The following CACNA2D1 variants were observed in gnomAD, a reference collection of about 807,000 sequenced individuals.
CACNA2D1 encodes calcium voltage-gated channel auxiliary subunit alpha2delta 1.
In CACNA2D1, 53 loss-of-function variants were observed where a neutral mutation model predicts 171.5. The ratio of observed to expected loss-of-function variants is 0.31; its 90% CI spans 0.25 to 0.39. The LOEUF (loss-of-function observed/expected upper bound fraction) is 0.39, where lower values mean the gene tolerates loss of function less well. Ranked by LOEUF, CACNA2D1 falls within the 10% of genes least tolerant of loss-of-function variation. The pLI is 1.00. For missense variants in CACNA2D1, 903 were observed against 1,299.8 expected, an observed-to-expected ratio of 0.69 and a Z score of 4.69; for synonymous variants, 442 against 443.1, an observed-to-expected ratio of 1.00 and a Z score of 0.03.
At chr7:82,093,496 C>T (rs557922600) in intron 6 of CACNA2D1, among the ~76,000 whole-genome samples, 13 of 152,210 alleles carry the variant, frequency 8.5e-5, no homozygotes, top group African/African-American at 3.1e-4. Context: ...CTTACCCCAA[C>T]CCCAGTAATG....
intron 10 of CACNA2D1, among the ~76,000 whole-genome samples, chr7:82,041,053 G>A (rs943982794): frequency 1.7e-4 from 1 of 5,968 alleles, no homozygotes; most frequent in African/African-American, 8.2e-4. Context: ...CCTTGGGTTG[G>A]GGGGGTGGGG....
At chr7:82,232,427 T>C (rs1229999706) in intron 3 of CACNA2D1, among the ~76,000 whole-genome samples, 1 of 152,126 alleles carries the variant, frequency 6.6e-6, no homozygotes, top group African/African-American at 2.4e-5. Context: ...AAGATTTCCA[T>C]AGAGAAAAAG....
At chr7:82,079,407 C>T (rs1332232642) in intron 7 of CACNA2D1, among the ~76,000 whole-genome samples, 3 of 151,984 alleles carry the variant, frequency 2.0e-5, no homozygotes, top group Non-Finnish European at 4.4e-5. Flanking sequence ...AAAAGTCTAT[C>T]TTAGCTGGGT....
intron 3 of CACNA2D1, among the ~76,000 whole-genome samples, chr7:82,281,379 T>C (rs1810079094): frequency 6.6e-6 from 1 of 152,210 alleles, no homozygotes; most frequent in Non-Finnish European, 1.5e-5. Flanking sequence ...ACCAGATGGA[T>C]GCTACACAAA....
intron 5 of CACNA2D1, among the ~76,000 whole-genome samples, chr7:82,133,565 G>A (rs1563095929): frequency 6.6e-6 from 1 of 151,998 alleles, no homozygotes; most frequent in Non-Finnish European, 1.5e-5. Flanking sequence ...TACCACTTTT[G>A]GGAATCTATC....
At position 82,263,102 on chromosome 7, in the gene CACNA2D1, C is replaced by CCTTT. The variant is rs1554487349; in HGVS notation, c.294+72032_294+72033insAAAG. On this transcript the variant is annotated intron_variant, in intron 3 of 38. Transcript: ENST00000356860. ...AAGGCTCCTATGTCACATAACACCA[C>CCTTT]TTTTTTTTTTTTTTTTTTTTGAGAC... is the stretch of plus-strand genomic sequence containing the variant. Among the ~76,000 whole-genome samples the CCTTT allele has an allele frequency of 1.2e-4, 13 of 107,994 alleles. No homozygotes were observed. The South Asian group carries it at 3.8e-3, about 32-fold the overall frequency. 70.8% of individuals were successfully genotyped at this position (107,994 alleles called of 152,430 possible). A position where few individuals can be genotyped will look rare whatever the true frequency, so the allele number is the denominator to read the frequency against.
chr7:81,981,473 C>T (rs1040376916), intron 24 of CACNA2D1, among the ~76,000 whole-genome samples: 19 of 152,148 alleles, frequency 1.2e-4, no homozygotes, highest in South Asian at 1.2e-3. Flanking sequence ...ATATTCCCTA[C>T]GTTAAAGTAG....
chr7:82,101,700 T>C (rs1344493022), intron 6 of CACNA2D1, among the ~76,000 whole-genome samples: 1 of 152,150 alleles, frequency 6.6e-6, no homozygotes, highest in African/African-American at 2.4e-5. Flanking sequence ...ATACATAGTT[T>C]CCCATAATGC....
intron 6 of CACNA2D1, among the ~76,000 whole-genome samples, chr7:82,099,948 G>A (rs1460568790): frequency 6.6e-6 from 1 of 152,126 alleles, no homozygotes; most frequent in African/African-American, 2.4e-5. Flanking sequence ...GGTAGGAGAA[G>A]GGAGAGCATT....
intron 3 of CACNA2D1, among the ~76,000 whole-genome samples, chr7:82,293,556 C>T (rs1390546952): frequency 2.0e-5 from 3 of 152,162 alleles, no homozygotes; most frequent in Admixed American, 2.0e-4. Context: ...CGTTTACAAA[C>T]TCCTTTCTAA....
chr7:82,185,973 A>C (rs1216022918), intron 3 of CACNA2D1, among the ~76,000 whole-genome samples: 2 of 151,898 alleles, frequency 1.3e-5, no homozygotes, highest in Non-Finnish European at 2.9e-5. Flanking sequence ...CCTGACCAAC[A>C]TGGTAAAACC....
At chr7:82,244,344 T>C (rs1206816541) in intron 3 of CACNA2D1, among the ~76,000 whole-genome samples, 1 of 152,120 alleles carries the variant, frequency 6.6e-6, no homozygotes, top group Non-Finnish European at 1.5e-5. Context: ...GTTTCTATAA[T>C]CCCATAAGAC....
intron 1 of CACNA2D1, among the ~76,000 whole-genome samples, chr7:82,389,026 G>C (rs935735933): frequency 6.6e-6 from 1 of 151,720 alleles, no homozygotes; most frequent in African/African-American, 2.4e-5. Flanking sequence ...TGAGACAGGA[G>C]AATCACTTTA....
At chr7:82,063,979 C>A (rs1807284205) in intron 9 of CACNA2D1, among the ~76,000 whole-genome samples, 1 of 151,962 alleles carries the variant, frequency 6.6e-6, no homozygotes, top group South Asian at 2.1e-4. Flanking sequence ...CCACCTTAGC[C>A]TCCCAAGTAG....
At chr7:82,169,751 T>G (rs1191313875) in intron 4 of CACNA2D1, among the ~76,000 whole-genome samples, 4 of 151,868 alleles carry the variant, frequency 2.6e-5, no homozygotes, top group Non-Finnish European at 5.9e-5. Flanking sequence ...CCAAAATGAG[T>G]TGTCTGGAAG....
At chr7:82,406,741 A>C (rs186838701) in intron 1 of CACNA2D1, among the ~76,000 whole-genome samples, 1 of 151,698 alleles carries the variant, frequency 6.6e-6, no homozygotes, top group East Asian at 1.9e-4. Flanking sequence ...GATCGGGTTG[A>C]TTTTTTCTTG....
At chr7:82,389,397 AAC>A (rs1466214931) in intron 1 of CACNA2D1, among the ~76,000 whole-genome samples, 3 of 152,184 alleles carry the variant, frequency 2.0e-5, no homozygotes, top group African/African-American at 7.2e-5. Context: ...GTATTTAACA[AAC>A]ACTTTGATCC....
chr7:82,349,488 G>A (rs898389388), intron 2 of CACNA2D1, 80 bp downstream of exon 2: 35 of 1,105,630 alleles, frequency 3.2e-5, no homozygotes, highest in African/African-American at 1.1e-4. Context: ...TTGTAATATA[G>A]AGACACAGTT....
chr7:82,189,216 A>G (rs1193314757), intron 3 of CACNA2D1, among the ~76,000 whole-genome samples: 1 of 152,006 alleles, frequency 6.6e-6, no homozygotes, highest in Non-Finnish European at 1.5e-5. Context: ...CAATGTCAAC[A>G]CTATGATGAA....
Sources: gnomAD v4.1 joint callset for allele counts (sites outside exome capture counted in the v4.1 genomes callset) on GRCh38, gnomAD v4.1.1 for gene constraint, MANE v1.5 for transcripts, NCBI Gene and HGNC (gene_info 2026-07-23, HGNC 2026-07-21) for gene names.